SH3PXD2B: variants seen among roughly 807,000 people sequenced by gnomAD.
The protein encoded by SH3PXD2B is SH3 and PX domains 2B, also known as SH3 and PX domain-containing protein 2B.
SH3PXD2B carries 37 observed loss-of-function variants against 73.1 expected under a neutral mutation model. That is an observed-to-expected ratio of 0.51 (90% CI 0.39 to 0.67). The LOEUF (loss-of-function observed/expected upper bound fraction) is 0.67. Ranked by LOEUF, SH3PXD2B falls within the 30% of genes least tolerant of loss-of-function variation. The pLI, the probability that SH3PXD2B is intolerant of heterozygous loss-of-function variation, is 0.00. For missense variants in SH3PXD2B, 1,053 were observed against 1,197.8 expected, an observed-to-expected ratio of 0.88 and a Z score of 1.78; for synonymous variants, 457 against 480.5, an observed-to-expected ratio of 0.95 and a Z score of 0.64.
At chr5:172,341,029 C>T (rs925847670) in intron 12 of SH3PXD2B, among the ~76,000 whole-genome samples, 2 of 152,200 alleles carry the variant, frequency 1.3e-5, no homozygotes, top group African/African-American at 4.8e-5. Context: ...GGATACACGC[C>T]TGTTGGCTGG....
intron 11 of SH3PXD2B, among the ~76,000 whole-genome samples, chr5:172,346,958 T>C (rs1757010932): frequency 6.6e-6 from 1 of 152,174 alleles, no homozygotes; most frequent in South Asian, 2.1e-4. Flanking sequence ...CAGATGATAT[T>C]TGTGTCTCAT....
intron 8 of SH3PXD2B, among the ~76,000 whole-genome samples, chr5:172,358,046 T>C (rs558003667): frequency 2.0e-4 from 29 of 145,836 alleles, no homozygotes; most frequent in African/African-American, 6.6e-4. Context: ...ATAGATATCA[T>C]TGTTTCCATT....
intron 1 of SH3PXD2B, among the ~76,000 whole-genome samples, 154 bp from the exon 2 acceptor site, chr5:172,422,650 C>T (rs1007885048): frequency 1.3e-5 from 2 of 152,180 alleles, no homozygotes; most frequent in Non-Finnish European, 2.9e-5. Flanking sequence ...TGCTGTAAGA[C>T]TCATCTCCCT....
chr5:172,373,750 G>A (rs773874024), intron 6 of SH3PXD2B, 40 bp downstream of exon 6: 16 of 1,599,070 alleles, frequency 1.0e-5, no homozygotes, highest in Middle Eastern at 1.9e-4. Context: ...GGAGTTTGCC[G>A]AAAACTGAAC....
chr5:172,404,692 T>G (rs552720698), intron 3 of SH3PXD2B, among the ~76,000 whole-genome samples: 35 of 152,346 alleles, frequency 2.3e-4, no homozygotes, highest in Admixed American at 2.2e-3. Flanking sequence ...TCATAGTAAG[T>G]GCTTGATAGC....
chr5:172,389,011 A>G (rs936804257), intron 4 of SH3PXD2B, among the ~76,000 whole-genome samples: 1 of 152,080 alleles, frequency 6.6e-6, no homozygotes, highest in Non-Finnish European at 1.5e-5. Context: ...TCTGGCTCTA[A>G]GAAACACACA....
At chr5:172,414,219 A>G (rs1332114889) in intron 2 of SH3PXD2B, among the ~76,000 whole-genome samples, 4 of 152,212 alleles carry the variant, frequency 2.6e-5, no homozygotes, top group African/African-American at 9.6e-5. Flanking sequence ...CTGTAATCCC[A>G]GCACTTTGGG....
At chr5:172,367,838 C>T (rs948183798) in intron 6 of SH3PXD2B, among the ~76,000 whole-genome samples, 1 of 152,128 alleles carries the variant, frequency 6.6e-6, no homozygotes, top group Admixed American at 6.6e-5. Context: ...GCTGCAGCAG[C>T]CATCTTGGGT....
At chr5:172,350,132 G>T (rs1182137534) in intron 10 of SH3PXD2B, among the ~76,000 whole-genome samples, 1 of 152,214 alleles carries the variant, frequency 6.6e-6, no homozygotes, top group Non-Finnish European at 1.5e-5. Context: ...TGGGATTACA[G>T]GTGTGAGCCA....
In SH3PXD2B at chr5:172,335,195, A is replaced by T. The variant is rs893808999; in HGVS notation, c.*3174T>A. On this transcript the variant is annotated 3_prime_UTR_variant, in exon 13 of 13. Transcript: ENST00000311601. ...AGCTGTCCGTTTGCCCTGGGATGTA[A>T]GGTAAAGTAGTTGTCACAATTGTGT... 2.6e-5 allele frequency: 26 copies of T among 1,003,444 alleles called. No homozygotes were observed. The highest frequency in any genetic ancestry group is 3.1e-5 in the Non-Finnish European group (26 of 842,482). The allele number at this position is 1,003,444 out of a possible 1,614,324, so 62.2% of individuals were successfully genotyped here.
chr5:172,345,057 AAGG>A (rs1428908866), intron 12 of SH3PXD2B, among the ~76,000 whole-genome samples: 3 of 143,662 alleles, frequency 2.1e-5, no homozygotes, highest in Non-Finnish European at 4.5e-5. Context: ...AAAACAAAGG[AAGG>A]AGGAAGGAGG....
Position 172,334,719 on chromosome 5 carries a change from C to T in SH3PXD2B, c.*3650G>A. 1 of 985,498 alleles carries T rather than the reference C, an allele frequency of 1.0e-6. No individual in the cohort carries two copies. The allele number at this position is 985,498 out of a possible 1,614,324, so 61.0% of individuals were successfully genotyped here. On this transcript the variant is annotated 3_prime_UTR_variant, in exon 13 of 13. Coordinates refer to ENST00000311601, the MANE Select transcript of SH3PXD2B (RefSeq NM_001017995.3). ...AAGGCAGGAGCAGTTTCTTCTTTTTCCCACTCTGTGCTGGGTACTTGGGAG... is the reference window on the plus strand; with the variant it reads ...AAGGCAGGAGCAGTTTCTTCTTTTTTCCACTCTGTGCTGGGTACTTGGGAG...
At chr5:172,394,685 A>C (rs768684982) in intron 3 of SH3PXD2B, 46 bp from the exon 4 acceptor site, 9 of 1,601,642 alleles carry the variant, frequency 5.6e-6, no homozygotes, top group African/African-American at 2.7e-5. Flanking sequence ...GAACAGGGAC[A>C]AGCTCTCAGC....
chr5:172,448,364 T>G (rs1759721177), intron 1 of SH3PXD2B, among the ~76,000 whole-genome samples: 1 of 152,216 alleles, frequency 6.6e-6, no homozygotes, highest in Non-Finnish European at 1.5e-5. Context: ...TTTATTTTAT[T>G]TTTGCCGACA....
At chr5:172,432,925 A>AAAGG (rs1457815106) in intron 1 of SH3PXD2B, among the ~76,000 whole-genome samples, 3 of 78,780 alleles carry the variant, frequency 3.8e-5, no homozygotes, top group African/African-American at 9.8e-5. Context: ...CAAAAAAAAA[A>AAAGG]GGGGGGGGGG....
rs535462223 is a variant in SH3PXD2B at position 172,346,691 on chromosome 5, T to C, written c.1063-430A>G. Among the ~76,000 whole-genome samples, 31 of 151,886 alleles carry C rather than the reference T, an allele frequency of 2.0e-4. No homozygotes were observed. In the South Asian group the frequency reaches 6.5e-3, roughly 32 times the overall value. ...GCATAACAGTGTCTACCTGGTGGGG[T>C]TGCTTCAAGTATTAAATTAGTTAAT... On this transcript the variant is annotated intron_variant, in intron 11 of 12. Coordinates refer to ENST00000311601, the MANE Select transcript of SH3PXD2B (RefSeq NM_001017995.3).
intron 2 of SH3PXD2B, among the ~76,000 whole-genome samples, chr5:172,408,851 A>AT (rs112242784): frequency 0.49 from 74,344 of 151,578 alleles, 19,439 homozygotes; most frequent in East Asian, 0.7. Context: ...GTTTATTTTA[A>AT]TTTTTAAATT....
intron 7 of SH3PXD2B, among the ~76,000 whole-genome samples, 196 bp from the exon 8 acceptor site, chr5:172,359,073 T>C (rs979798242): frequency 9.9e-5 from 15 of 152,144 alleles, no homozygotes; most frequent in African/African-American, 3.6e-4. Context: ...CTCCTGAGCC[T>C]GGGACAGGGA....
chr5:172,325,892 A>G (rs1278550370), intron 12 of SH3PXD2B, among the ~76,000 whole-genome samples: 6 of 152,186 alleles, frequency 3.9e-5, no homozygotes, highest in African/African-American at 9.7e-5. Context: ...GTTTCAAGCG[A>G]TTCTCCTGCC....
Sources: allele counts gnomAD v4.1 joint callset (sites outside exome capture counted in the v4.1 genomes callset), GRCh38; gene constraint gnomAD v4.1.1; transcripts MANE v1.5; gene names NCBI Gene and HGNC (gene_info 2026-07-23, HGNC 2026-07-21).